The following TTBK2 variants were observed in gnomAD, a reference collection of about 807,000 sequenced individuals.
TTBK2 encodes tau tubulin kinase 2, also known as tau-tubulin kinase 2.
In TTBK2, 28 loss-of-function variants were observed where a neutral mutation model predicts 110.8. The ratio of observed to expected loss-of-function variants is 0.25; its 90% CI spans 0.19 to 0.35. The LOEUF (loss-of-function observed/expected upper bound fraction) is 0.35, where lower values mean the gene tolerates loss of function less well. Among genes scored for constraint, TTBK2 ranks in the 10% least tolerant of loss-of-function variants. TTBK2 has a pLI of 1.00. For missense variants in TTBK2, 1,369 were observed against 1,500.3 expected (o/e 0.91, Z 1.45); for synonymous variants, 532 against 527.3 (o/e 1.01, Z -0.12).
At chr15:42,814,040 G>C (rs139492744) in intron 7 of TTBK2, among the ~76,000 whole-genome samples, 513 of 152,126 alleles carry the variant, frequency 3.4e-3, no homozygotes, top group Non-Finnish European at 4.9e-3. Context: ...TGTTTTTTGA[G>C]ACAGAGTCTC....
At chr15:42,764,870 C>T (rs750000891) in intron 13 of TTBK2, among the ~76,000 whole-genome samples, 1 of 152,218 alleles carries the variant, frequency 6.6e-6, no homozygotes, top group Non-Finnish European at 1.5e-5. Flanking sequence ...CTGAGTGTCA[C>T]CTCATATAGC....
chr15:42,845,335 G>T (rs1368053001), intron 3 of TTBK2, among the ~76,000 whole-genome samples: 1 of 151,968 alleles, frequency 6.6e-6, no homozygotes, highest in Non-Finnish European at 1.5e-5. Flanking sequence ...ACCTTCCTTG[G>T]ATACCAAAAT....
intron 13 of TTBK2, among the ~76,000 whole-genome samples, chr15:42,771,544 G>A (rs375050131): frequency 3.9e-5 from 6 of 152,134 alleles, no homozygotes; most frequent in African/African-American, 1.4e-4. Context: ...ATACTTCACA[G>A]GTATGAAGAA....
At chr15:42,823,739 T>G (rs1324086506) in intron 6 of TTBK2, among the ~76,000 whole-genome samples, 23 of 105,788 alleles carry the variant, frequency 2.2e-4, no homozygotes, top group Admixed American at 2.4e-4. Flanking sequence ...TTTTGTGTGA[T>G]TTTTTTTTTT....
At chr15:42,871,678 A>G in intron 3 of TTBK2, 5 of 699,954 alleles carry the variant, frequency 7.1e-6, no homozygotes, top group Non-Finnish European at 7.0e-6. Context: ...CAGAAAAAGA[A>G]AGAGCCATCC....
At chr15:42,803,206 T>C (rs1228826421) in intron 9 of TTBK2, among the ~76,000 whole-genome samples, 1 of 152,240 alleles carries the variant, frequency 6.6e-6, no homozygotes, top group Non-Finnish European at 1.5e-5. Context: ...ACACCTAGGC[T>C]ATATAGTATA....
chr15:42,816,965 A>G, intron 7 of TTBK2, 67 bp downstream of exon 7: 1 of 908,870 alleles, frequency 1.1e-6, no homozygotes, highest in Non-Finnish European at 1.4e-6. Flanking sequence ...ATAAAATAAA[A>G]AAGAAGTCAA....
chr15:42,868,286 T>G (rs983557072), intron 3 of TTBK2, among the ~76,000 whole-genome samples: 1 of 152,172 alleles, frequency 6.6e-6, no homozygotes, highest in Non-Finnish European at 1.5e-5. Context: ...GGTGGATATA[T>G]GTCATTACAC....
Position 42,744,085 on chromosome 15 carries a change from T to A in TTBK2, c.*1710A>T, listed in dbSNP as rs902945205. 4 of 152,246 alleles carry A rather than the reference T, an allele frequency of 2.6e-5. No homozygotes were observed. The highest frequency in any genetic ancestry group is 5.9e-5 in the Non-Finnish European group (4 of 68,040). 9.4% of individuals were successfully genotyped at this position (152,246 alleles called of 1,614,324 possible). ...AAGGACTGATCTTCCAATATTACAG[T>A]TGCTTTAGATAAACAGCAAGTATGT... On this transcript the variant is annotated 3_prime_UTR_variant, in exon 15 of 15. Coordinates refer to ENST00000267890, the MANE Select transcript of TTBK2 (RefSeq NM_173500.4).
chr15:42,753,554 T>C (rs1014561739), intron 13 of TTBK2, among the ~76,000 whole-genome samples: 3 of 152,196 alleles, frequency 2.0e-5, no homozygotes, highest in Non-Finnish European at 2.9e-5. Context: ...GCTTTCTGAT[T>C]TGTGGTTAGA....
At chr15:42,896,096 C>T (rs1163206630) in intron 1 of TTBK2, among the ~76,000 whole-genome samples, 1 of 151,378 alleles carries the variant, frequency 6.6e-6, no homozygotes. Flanking sequence ...GAGGCCGAGG[C>T]CTCAAGTGGA....
At chr15:42,798,408 T>C in intron 9 of TTBK2, 2 of 396,544 alleles carry the variant, frequency 5.0e-6, no homozygotes, top group South Asian at 3.7e-5. Context: ...TTTTACTTAA[T>C]AATACATTCT....
chr15:42,882,295 T>C (rs1381070998), intron 1 of TTBK2, among the ~76,000 whole-genome samples: 1 of 151,760 alleles, frequency 6.6e-6, no homozygotes, highest in Non-Finnish European at 1.5e-5. Flanking sequence ...AAAAAATATA[T>C]ACTTAAAAAT....
intron 4 of TTBK2, among the ~76,000 whole-genome samples, chr15:42,839,346 C>T (rs1040858345): frequency 1.3e-5 from 2 of 152,112 alleles, no homozygotes; most frequent in East Asian, 3.9e-4. Context: ...TCCAGTTCAC[C>T]ATTGATGGGC....
At chr15:42,836,390 G>A (rs915937207) in intron 4 of TTBK2, among the ~76,000 whole-genome samples, 12 of 152,140 alleles carry the variant, frequency 7.9e-5, no homozygotes, top group Non-Finnish European at 1.5e-4. Context: ...AGGAGACCCA[G>A]TAGTTATCTT....
At chr15:42,917,634 CT>C (rs1474979240) in intron 1 of TTBK2, among the ~76,000 whole-genome samples, 5 of 151,136 alleles carry the variant, frequency 3.3e-5, no homozygotes, top group Non-Finnish European at 7.4e-5. Context: ...CCACTGAAGC[CT>C]GGGGAAAAAA....
intron 13 of TTBK2, among the ~76,000 whole-genome samples, chr15:42,768,349 T>C (rs1483279910): frequency 2.0e-5 from 3 of 152,228 alleles, no homozygotes; most frequent in Non-Finnish European, 2.9e-5. Context: ...GACATGATTG[T>C]ATATTTAGAA....
At chr15:42,802,262 C>A (rs751307338) in intron 9 of TTBK2, 6 of 808,942 alleles carry the variant, frequency 7.4e-6, no homozygotes, top group South Asian at 1.3e-5. Flanking sequence ...GCACCCAGGC[C>A]ACCCCGGAAG....
intron 4 of TTBK2, among the ~76,000 whole-genome samples, chr15:42,832,769 G>T (rs534593538): frequency 6.6e-6 from 1 of 152,060 alleles, no homozygotes; most frequent in East Asian, 1.9e-4. Context: ...TTAGTCCAGC[G>T]TATCCACATG....
Sources: allele counts gnomAD v4.1 joint callset (sites outside exome capture counted in the v4.1 genomes callset), GRCh38; gene constraint gnomAD v4.1.1; transcripts MANE v1.5; gene names NCBI Gene and HGNC (gene_info 2026-07-23, HGNC 2026-07-21).